The following DCAF5 variants were observed in gnomAD, a reference collection of about 807,000 sequenced individuals.
DCAF5 encodes DDB1 and CUL4 associated factor 5, also known as DDB1- and CUL4-associated factor 5.
A neutral mutation model predicts 80.7 loss-of-function variants in DCAF5; 9 were observed. The observed-to-expected ratio is 0.11, with a 90% confidence interval of 0.07 to 0.19. The LOEUF (loss-of-function observed/expected upper bound fraction) is 0.19, where lower values mean the gene tolerates loss of function less well. Ranked by LOEUF, DCAF5 falls within the 10% of genes least tolerant of loss-of-function variation. The pLI is 1.00. For missense variants in DCAF5, 842 were observed against 1,205.7 expected, an observed-to-expected ratio of 0.70 and a Z score of 4.47; for synonymous variants, 433 against 461.9, an observed-to-expected ratio of 0.94 and a Z score of 0.80.
At chr14:69,151,046 T>C (rs754553549) in intron 1 of DCAF5, among the ~76,000 whole-genome samples, 5 of 152,218 alleles carry the variant, frequency 3.3e-5, no homozygotes, top group Non-Finnish European at 7.3e-5. Flanking sequence ...AACTTCTCTG[T>C]TGTAATACAT....
chr14:69,058,829 G>T (rs192803828), intron 8 of DCAF5, among the ~76,000 whole-genome samples: 1 of 149,640 alleles, frequency 6.7e-6, no homozygotes, highest in Non-Finnish European at 1.5e-5. Context: ...AGCCATGATC[G>T]TGCCACTGTA....
chr14:69,104,411 G>C (rs1257104684), intron 5 of DCAF5, among the ~76,000 whole-genome samples: 3 of 152,070 alleles, frequency 2.0e-5, no homozygotes, highest in Admixed American at 6.5e-5. Flanking sequence ...ATTTGTTCAA[G>C]CTTCTAGATC....
chr14:69,092,171 A>C (rs2039555966), intron 5 of DCAF5, among the ~76,000 whole-genome samples: 1 of 152,196 alleles, frequency 6.6e-6, no homozygotes, highest in Admixed American at 6.5e-5. Flanking sequence ...GACATATTAA[A>C]ATAATGATTT....
intron 6 of DCAF5, chr14:69,083,732 T>C: frequency 1.5e-6 from 1 of 646,742 alleles, no homozygotes; most frequent in East Asian, 2.7e-5. Flanking sequence ...AAGAGAAAAA[T>C]GGTGAATGAT....
At chr14:69,067,431 G>C (rs767926121) in intron 7 of DCAF5, among the ~76,000 whole-genome samples, 1 of 135,482 alleles carries the variant, frequency 7.4e-6, no homozygotes, top group African/African-American at 2.9e-5. Flanking sequence ...GCAACCCCCC[G>C]CTCCCAGGCT....
At position 69,062,064 on chromosome 14, in the gene DCAF5, T is replaced by A. The variant is rs534726036; in HGVS notation, c.1074+320A>T. ...AAATCACCTTTCTTTCTTCTTTTTTTAAAATTTATTTATTTTTATTTTTTA... is the reference window on the plus strand; with the variant it reads ...AAATCACCTTTCTTTCTTCTTTTTTAAAAATTTATTTATTTTTATTTTTTA... On this transcript the variant is annotated intron_variant, in intron 8 of 8. Transcript: ENST00000341516. Among the ~76,000 whole-genome samples, 7 of 152,170 alleles carry A rather than the reference T, an allele frequency of 4.6e-5. No homozygotes were observed. The East Asian group carries it at 1.2e-3, about 25-fold the overall frequency.
intron 5 of DCAF5, among the ~76,000 whole-genome samples, chr14:69,110,676 G>C (rs577389895): frequency 1.8e-4 from 27 of 152,068 alleles, no homozygotes; most frequent in Non-Finnish European, 2.8e-4. Context: ...AGGAGATCGA[G>C]ACCAGCCTGG....
intron 5 of DCAF5, among the ~76,000 whole-genome samples, chr14:69,099,442 A>G (rs1253291876): frequency 6.6e-6 from 1 of 152,070 alleles, no homozygotes; most frequent in Admixed American, 6.6e-5. Context: ...CATCTGAGTC[A>G]AAGTCCTCCT....
chr14:69,125,083 C>T (rs2040834754), intron 1 of DCAF5, among the ~76,000 whole-genome samples: 1 of 152,136 alleles, frequency 6.6e-6, no homozygotes, highest in African/African-American at 2.4e-5. Flanking sequence ...GCCAACATCA[C>T]ACAATAAAGT....
chr14:69,135,348 G>A (rs543037320), intron 1 of DCAF5, among the ~76,000 whole-genome samples: 74 of 152,264 alleles, frequency 4.9e-4, no homozygotes, highest in African/African-American at 1.6e-3. Flanking sequence ...ACTCAGGAGT[G>A]CCTTGATGAA....
chr14:69,106,218 G>A (rs1217575031), intron 5 of DCAF5, among the ~76,000 whole-genome samples: 2 of 150,516 alleles, frequency 1.3e-5, no homozygotes, highest in South Asian at 2.1e-4. Context: ...CACTACGCCC[G>A]GCTAATTTTG....
At chr14:69,084,835 A>G (rs759099778) in intron 6 of DCAF5, 11 of 1,087,332 alleles carry the variant, frequency 1.0e-5, no homozygotes, top group Non-Finnish European at 1.6e-5. Flanking sequence ...ATGTGGCAGC[A>G]AGAGAACTGG....
intron 1 of DCAF5, among the ~76,000 whole-genome samples, chr14:69,144,854 C>T (rs1028243359): frequency 1.1e-4 from 17 of 152,088 alleles, no homozygotes; most frequent in Non-Finnish European, 1.9e-4. Flanking sequence ...CTTAGAGTCC[C>T]GACAGCCAGA....
At position 69,152,194 on chromosome 14, in the gene DCAF5, G is replaced by A. The variant is rs1040202515; in HGVS notation, c.214+571C>T. ...GGCCTCTAAGAGCGCCGAGGGGGGCGGCCCACAGCGACCCTACCGCCCCAG... is the reference window on the plus strand; with the variant it reads ...GGCCTCTAAGAGCGCCGAGGGGGGCAGCCCACAGCGACCCTACCGCCCCAG... On this transcript the variant is annotated intron_variant, in intron 1 of 8. Transcript: ENST00000341516. The surrounding 1 kb of genome is among the most constrained non-coding windows in gnomAD (Gnocchi z 4.1). Among the ~76,000 whole-genome samples, 1 of 152,160 alleles carries A rather than the reference G, an allele frequency of 6.6e-6. No homozygotes were observed.
rs2140070699 is a variant in DCAF5 at position 69,122,366 on chromosome 14, G to C, written c.215-6C>G. On this transcript the variant is annotated splice_polypyrimidine_tract_variant and splice_region_variant and intron_variant, in intron 1 of 8. Coordinates refer to ENST00000341516, the MANE Select transcript of DCAF5 (RefSeq NM_003861.3). Reference sequence around the variant, plus strand: ...AACCCGGCGGTCATCTCCTCCTTAAGAAGGAAATAAGAATCTGTGCTTAAA... The same window carrying C: ...AACCCGGCGGTCATCTCCTCCTTAACAAGGAAATAAGAATCTGTGCTTAAA... 1 of 1,608,720 alleles carries C rather than the reference G, an allele frequency of 6.2e-7. No homozygotes were observed. Among genetic ancestry groups the C allele is most frequent in the East Asian group, 2.2e-5 (1 of 44,758 alleles).
intron 1 of DCAF5, among the ~76,000 whole-genome samples, chr14:69,150,904 C>G (rs2041681796): frequency 6.6e-6 from 1 of 151,894 alleles, no homozygotes; most frequent in South Asian, 2.1e-4. Context: ...CAAATAAATA[C>G]GTAAATAAAG....
At position 69,055,317 on chromosome 14, in the gene DCAF5, T is replaced by C; in HGVS notation, c.1369A>G (p.Thr457Ala). The change falls in exon 9 of 9, where the codon ACT (threonine) becomes GCT (alanine). Residue 457 changes from threonine (T) to alanine (A), a missense_variant. Transcript: ENST00000341516. The surrounding 1 kb of genome is among the most constrained non-coding windows in gnomAD (Gnocchi z 5.6). ...HAGVSERSGY[T>A]DSESSASLPR... is the part of the protein sequence containing the mutation. ...AATGAGGCCGAAGACTCTGAGTCAG[T>C]GTAGCCTGAGCGCTCGCTGACCCCA... 6.2e-7 allele frequency: 1 copy of C among 1,614,178 alleles called. No homozygotes were observed. The highest frequency in any genetic ancestry group is 1.1e-5 in the South Asian group (1 of 91,084).
At chr14:69,087,404 G>A (rs2039374375) in intron 6 of DCAF5, among the ~76,000 whole-genome samples, 1 of 152,164 alleles carries the variant, frequency 6.6e-6, no homozygotes, top group Non-Finnish European at 1.5e-5. Flanking sequence ...TCCAAGGAAA[G>A]GAATGCTGTT....
chr14:69,085,940 GA>G (rs1164585595), intron 6 of DCAF5, among the ~76,000 whole-genome samples: 1 of 152,186 alleles, frequency 6.6e-6, no homozygotes, highest in Admixed American at 6.5e-5. Context: ...TCATAAACAA[GA>G]AACTGAGTCT....
Sources: gnomAD v4.1 joint callset for allele counts (sites outside exome capture counted in the v4.1 genomes callset) on GRCh38, gnomAD v4.1.1 for gene constraint, Gnocchi (gnomAD v3.1) non-coding constraint, MANE v1.5 for transcripts, NCBI Gene and HGNC (gene_info 2026-07-23, HGNC 2026-07-21) for gene names.